The following SCG3 variants were observed in gnomAD, a reference collection of about 807,000 sequenced individuals.
The protein encoded by SCG3 is secretogranin III.
A neutral mutation model predicts 56.2 loss-of-function variants in SCG3; 38 were observed. That is an observed-to-expected ratio of 0.68 (90% CI 0.52 to 0.89). The LOEUF (loss-of-function observed/expected upper bound fraction) is 0.89, where lower values mean the gene tolerates loss of function less well. SCG3 is among the 40% of genes least tolerant of loss of function. The probability of loss-of-function intolerance (pLI) is 0.00; values close to 1 mark genes in which losing one functional copy is unlikely to be tolerated. For synonymous variants in SCG3, 176 were observed against 184.2 expected, an observed-to-expected ratio of 0.96 and a Z score of 0.36; for missense variants, 524 against 540.7, an observed-to-expected ratio of 0.97 and a Z score of 0.31.
intron 11 of SCG3, among the ~76,000 whole-genome samples, chr15:51,715,861 C>CTT (rs34085691): frequency 6.9e-5 from 10 of 145,100 alleles, no homozygotes; most frequent in Non-Finnish European, 6.1e-5. Context: ...GGAGTCTGCA[C>CTT]TTTTTTTTTT....
chr15:51,711,079 C>T (rs533108597), intron 10 of SCG3, among the ~76,000 whole-genome samples: 6 of 152,248 alleles, frequency 3.9e-5, no homozygotes, highest in South Asian at 2.1e-4. Flanking sequence ...TCAGCATGGG[C>T]GACTAGAGCT....
chr15:51,689,954 T>C (rs1445172022), intron 6 of SCG3, among the ~76,000 whole-genome samples: 1 of 152,200 alleles, frequency 6.6e-6, no homozygotes, highest in Non-Finnish European at 1.5e-5. Context: ...TACATAATAA[T>C]ATGTGAAGTA....
intron 10 of SCG3, among the ~76,000 whole-genome samples, chr15:51,702,411 C>T (rs2055345587): frequency 6.6e-6 from 1 of 152,084 alleles, no homozygotes; most frequent in South Asian, 2.1e-4. Context: ...CACGCGCCAC[C>T]CTGCCCTCTA....
At chr15:51,700,991 C>A in intron 9 of SCG3, 116 bp from the exon 10 acceptor site, 1 of 1,359,758 alleles carries the variant, frequency 7.4e-7, no homozygotes, top group Non-Finnish European at 1.0e-6. Flanking sequence ...TCCCTTTCAA[C>A]TCAAAATATG....
At chr15:51,712,937 G>A (rs1415574663) in intron 10 of SCG3, among the ~76,000 whole-genome samples, 1 of 152,148 alleles carries the variant, frequency 6.6e-6, no homozygotes, top group East Asian at 1.9e-4. Flanking sequence ...TCTCATTCAA[G>A]TCCTTGGCTT....
intron 4 of SCG3, among the ~76,000 whole-genome samples, chr15:51,686,681 A>ATGTTTGTTTGTT (rs59206609): frequency 0.22 from 32,559 of 150,440 alleles, 4,047 homozygotes; most frequent in East Asian, 0.51. Context: ...AACTGATTTT[A>ATGTTTGTTTGTT]TGTTTGTTTG....
chr15:51,688,195 T>C (rs905966281), intron 4 of SCG3, 65 bp from the exon 5 acceptor site: 1 of 1,462,310 alleles, frequency 6.8e-7, no homozygotes, highest in African/African-American at 1.4e-5. Flanking sequence ...AGATTATAAG[T>C]ATAATATGAT....
At chr15:51,705,867 G>T (rs537098669) in intron 10 of SCG3, among the ~76,000 whole-genome samples, 18 of 152,132 alleles carry the variant, frequency 1.2e-4, no homozygotes, top group Non-Finnish European at 2.5e-4. Flanking sequence ...ACATTAAAAA[G>T]AAGGCAGGAA....
intron 10 of SCG3, 140 bp downstream of exon 10, chr15:51,701,384 G>T: frequency 1.2e-6 from 1 of 805,618 alleles, no homozygotes; most frequent in Non-Finnish European, 1.8e-6. Flanking sequence ...CTTGGCATGT[G>T]GTATCTTTAT....
intron 10 of SCG3, among the ~76,000 whole-genome samples, chr15:51,704,755 T>G (rs780544458): frequency 1.2e-4 from 7 of 56,368 alleles, no homozygotes; most frequent in Non-Finnish European, 3.1e-4. Context: ...TTGGCTGTTG[T>G]GAGTAATACA....
In SCG3 at chr15:51,713,428, G is replaced by C. The variant is rs1252876032; in HGVS notation, c.1288+15G>C. 6.5e-7 allele frequency: 1 copy of C among 1,530,684 alleles called. No homozygotes were observed. Among genetic ancestry groups the C allele is most frequent in the East Asian group, 2.3e-5 (1 of 44,206 alleles). The allele number at this position is 1,530,684 out of a possible 1,614,324, so 94.8% of individuals were successfully genotyped here. A position where few individuals can be genotyped will look rare whatever the true frequency, so the allele number is the denominator to read the frequency against. ...AAATAAAGAAGGTAGGACCAAGTGT[G>C]GTTGTACATTGCAAACTTCACCCAT... On this transcript the variant is annotated intron_variant, in intron 11 of 11. Transcript: ENST00000220478.
chr15:51,705,536 T>TC (rs1056350230), intron 10 of SCG3, among the ~76,000 whole-genome samples: 6 of 151,114 alleles, frequency 4.0e-5, no homozygotes, highest in African/African-American at 1.2e-4. Context: ...TTTTTTTTTT[T>TC]CCCGAGACAG....
intron 4 of SCG3, 62 bp downstream of exon 4, chr15:51,683,496 G>C (rs781149297): frequency 9.7e-7 from 1 of 1,030,654 alleles, no homozygotes; most frequent in Non-Finnish European, 1.4e-6. Context: ...TTAAGAGAAA[G>C]TCCAATATTT....
At chr15:51,694,762 G>C (rs1595832317) in intron 7 of SCG3, among the ~76,000 whole-genome samples, 2 of 152,210 alleles carry the variant, frequency 1.3e-5, no homozygotes, top group African/African-American at 2.4e-5. Flanking sequence ...CGAGCGCGGT[G>C]GCTCACGCCT....
In SCG3 at chr15:51,713,387, A is replaced by C. The variant is rs1283990938; in HGVS notation, c.1262A>C (p.Lys421Thr). ...AIRKNIEWLK[K>T]HDKKGNKEDY... ...AGAAAAAATATTGAATGGTTGAAGAAACATGACAAAAAGGGAAATAAAGAA... is the reference window on the plus strand; with the variant it reads ...AGAAAAAATATTGAATGGTTGAAGACACATGACAAAAAGGGAAATAAAGAA... The change falls in exon 11 of 12, where the codon AAA (lysine) becomes ACA (threonine). Residue 421 changes from lysine (K) to threonine (T), a missense_variant. By Grantham distance (78) the Lys-to-Thr change is moderately conservative (BLOSUM62 -1). Coordinates refer to ENST00000220478, the MANE Select transcript of SCG3 (RefSeq NM_013243.4). 6.2e-7 allele frequency: 1 copy of C among 1,604,400 alleles called. No individual in the cohort carries two copies. The highest frequency in any genetic ancestry group is 8.5e-7 in the Non-Finnish European group (1 of 1,176,446).
intron 10 of SCG3, chr15:51,708,114 A>G (rs187713819): frequency 8.2e-4 from 125 of 152,282 alleles, no homozygotes; most frequent in African/African-American, 2.9e-3. Flanking sequence ...GCTTCAGCCT[A>G]TGTTTTAAGG....
intron 10 of SCG3, among the ~76,000 whole-genome samples, chr15:51,711,803 A>G (rs1203422649): frequency 6.6e-6 from 1 of 152,126 alleles, no homozygotes; most frequent in East Asian, 1.9e-4. Flanking sequence ...AGGACTAAAA[A>G]TTGTGGATCT....
At position 51,699,062 on chromosome 15, in the gene SCG3, T is replaced by C. The variant is rs118011852; in HGVS notation, c.986-257T>C. On this transcript the variant is annotated intron_variant, in intron 8 of 11. Coordinates refer to ENST00000220478, the MANE Select transcript of SCG3 (RefSeq NM_013243.4). ...CCCAATCCTGGAAGTGTTCTAGCAG[T>C]GGCCACAGAGATGCAGAAGCGACTT... is the stretch of plus-strand genomic sequence containing the variant. 1.5e-3 allele frequency among the ~76,000 whole-genome samples: 236 copies of C among 152,320 alleles called. 5 individuals are homozygous for C. In the East Asian group the frequency reaches 0.039, roughly 25 times the overall value.
At chr15:51,691,598 A>G (rs1346421339) in intron 6 of SCG3, among the ~76,000 whole-genome samples, 3 of 152,204 alleles carry the variant, frequency 2.0e-5, no homozygotes, top group African/African-American at 7.2e-5. Context: ...TTAAATTTCT[A>G]TCTAGTTCAC....
Sources: gnomAD v4.1 joint callset for allele counts (sites outside exome capture counted in the v4.1 genomes callset) on GRCh38, gnomAD v4.1.1 for gene constraint, MANE v1.5 for transcripts, NCBI Gene and HGNC (gene_info 2026-07-23, HGNC 2026-07-21) for gene names.